The following ELF2 variants were observed in gnomAD, a reference collection of about 807,000 sequenced individuals.
The protein encoded by ELF2 is E74 like ETS transcription factor 2, also known as ETS-related transcription factor Elf-2.
In ELF2, 11 loss-of-function variants were observed where a neutral mutation model predicts 54.8. That is an observed-to-expected ratio of 0.20 (90% CI 0.13 to 0.33). The LOEUF is 0.33. ELF2 is among the 10% of genes least tolerant of loss of function. The probability of loss-of-function intolerance (pLI) is 1.00; values close to 1 mark genes in which losing one functional copy is unlikely to be tolerated. For missense variants in ELF2, 513 were observed against 703.0 expected (o/e 0.73, Z 3.06); for synonymous variants, 203 against 245.1 (o/e 0.83, Z 1.61).
chr4:139,153,875 C>T (rs1740268820), intron 1 of ELF2, among the ~76,000 whole-genome samples: 1 of 152,176 alleles, frequency 6.6e-6, no homozygotes, highest in African/African-American at 2.4e-5. Context: ...CAGTCTACCC[C>T]CTCCTTTTCA....
chr4:139,123,824 A>C (rs1736636984), intron 4 of ELF2, among the ~76,000 whole-genome samples: 1 of 152,216 alleles, frequency 6.6e-6, no homozygotes, highest in Non-Finnish European at 1.5e-5. Context: ...TAATAAAATC[A>C]GTTACAATAT....
At chr4:139,090,092 A>T (rs1732417685) in intron 4 of ELF2, among the ~76,000 whole-genome samples, 1 of 152,166 alleles carries the variant, frequency 6.6e-6, no homozygotes, top group African/African-American at 2.4e-5. Flanking sequence ...ATGCCTGGCT[A>T]ATTTTTTAAA....
At chr4:139,125,457 G>A in intron 3 of ELF2, 128 bp from the exon 4 acceptor site, 1 of 1,097,042 alleles carries the variant, frequency 9.1e-7, no homozygotes. Context: ...AAATATGAAT[G>A]TAAAAGCCAA....
intron 6 of ELF2, 43 bp from the exon 7 acceptor site, chr4:139,067,813 A>C: frequency 6.5e-7 from 1 of 1,526,990 alleles, no homozygotes; most frequent in Non-Finnish European, 8.9e-7. Flanking sequence ...AAAACAAGAA[A>C]AATATGAGAG....
chr4:139,097,147 T>C (rs940021714), intron 4 of ELF2, among the ~76,000 whole-genome samples: 4 of 152,220 alleles, frequency 2.6e-5, no homozygotes, highest in Admixed American at 6.5e-5. Context: ...TAGTGAGTTC[T>C]GCTTAAGCGA....
intron 6 of ELF2, among the ~76,000 whole-genome samples, chr4:139,069,717 C>T (rs1346156516): frequency 1.3e-5 from 2 of 152,090 alleles, no homozygotes; most frequent in Non-Finnish European, 2.9e-5. Context: ...AAAAGAAGTA[C>T]TGCTATTAAA....
At chr4:139,116,459 C>T (rs903952919) in intron 4 of ELF2, among the ~76,000 whole-genome samples, 5 of 151,512 alleles carry the variant, frequency 3.3e-5, no homozygotes, top group Middle Eastern at 3.4e-3. Context: ...TAAAAAGAAA[C>T]AAATATTAAG....
At chr4:139,150,392 A>G (rs1739745877) in intron 1 of ELF2, among the ~76,000 whole-genome samples, 1 of 151,498 alleles carries the variant, frequency 6.6e-6, no homozygotes, top group African/African-American at 2.4e-5. Context: ...TTAGCTGGGC[A>G]TGGTGGTGCA....
At chr4:139,141,928 T>C (rs1222572406) in intron 1 of ELF2, among the ~76,000 whole-genome samples, 2 of 152,204 alleles carry the variant, frequency 1.3e-5, no homozygotes, top group African/African-American at 2.4e-5. Flanking sequence ...AAGGTATACA[T>C]AAATACTAAG....
intron 4 of ELF2, among the ~76,000 whole-genome samples, chr4:139,108,935 G>A (rs138007598): frequency 1.3e-5 from 2 of 152,196 alleles, no homozygotes; most frequent in African/African-American, 4.8e-5. Flanking sequence ...GAACTGTTAA[G>A]AGTAACTCTG....
intron 4 of ELF2, chr4:139,084,367 C>T: frequency 3.4e-6 from 5 of 1,477,038 alleles, no homozygotes; most frequent in Non-Finnish European, 4.5e-6. Context: ...GAAGCCGAGG[C>T]CGGCCCGCCT....
intron 7 of ELF2, among the ~76,000 whole-genome samples, chr4:139,063,424 G>T (rs1728184111): frequency 6.6e-6 from 1 of 152,034 alleles, no homozygotes; most frequent in African/African-American, 2.4e-5. Context: ...GGAAAAATAT[G>T]GTAATTCCTT....
chr4:139,131,393 G>A (rs1467914193), intron 3 of ELF2, among the ~76,000 whole-genome samples: 2 of 152,180 alleles, frequency 1.3e-5, no homozygotes, highest in African/African-American at 4.8e-5. Flanking sequence ...ATGCTGCAGT[G>A]TTTACCTAGA....
At chr4:139,076,675 T>A (rs1314754798) in intron 4 of ELF2, among the ~76,000 whole-genome samples, 1 of 152,212 alleles carries the variant, frequency 6.6e-6, no homozygotes, top group East Asian at 1.9e-4. Flanking sequence ...CCAGTTTTTT[T>A]AATGTTTCAA....
chr4:139,059,344 G>T lies in ELF2; in HGVS notation c.1421C>A (p.Thr474Lys), dbSNP rs1313679608. The change falls in exon 10 of 10, where the codon ACA becomes AAA. Residue 474 changes from threonine to lysine, a missense_variant. By Grantham distance (78) the Thr-to-Lys change is moderately conservative (BLOSUM62 -1). This residue lies in a region of ELF2 where 291 missense variants were observed against 366.1 expected (regional missense o/e 0.79). Coordinates refer to ENST00000686138, the MANE Select transcript of ELF2 (RefSeq NM_001331036.3). ...ATQLAQCQLQ[T>K]KSNLTGSGSI... The stretch of plus-strand genomic sequence containing the variant: ...TCCTGATCCAGTCAGATTTGACTTT[G>T]TCTGCAGTTGACACTGTGCAAGCTG... 6.2e-7 allele frequency: 1 copy of T among 1,613,988 alleles called. No individual in the cohort carries two copies. The highest frequency in any genetic ancestry group is 8.5e-7 in the Non-Finnish European group (1 of 1,179,874).
chr4:139,106,771 T>C, intron 4 of ELF2, among the ~76,000 whole-genome samples: 1 of 150,474 alleles, frequency 6.6e-6, no homozygotes, highest in Admixed American at 6.6e-5. Flanking sequence ...GAGATAGAGT[T>C]TCGCTCTTGT....
intron 3 of ELF2, among the ~76,000 whole-genome samples, chr4:139,134,132 G>A (rs1002381092): frequency 6.6e-6 from 1 of 152,054 alleles, no homozygotes; most frequent in Non-Finnish European, 1.5e-5. Context: ...TGAGAAAATT[G>A]CCCTTTATTG....
intron 1 of ELF2, among the ~76,000 whole-genome samples, chr4:139,167,206 C>T (rs1468048608): frequency 3.3e-5 from 5 of 152,090 alleles, no homozygotes; most frequent in Non-Finnish European, 5.9e-5. Flanking sequence ...CAATTAGAAA[C>T]GTTAGTTATA....
intron 1 of ELF2, among the ~76,000 whole-genome samples, chr4:139,173,896 T>TG (rs1245754691): frequency 6.6e-6 from 1 of 151,352 alleles, no homozygotes; most frequent in African/African-American, 2.4e-5. Context: ...AAGACTACCC[T>TG]GGGTAATATG....
Sources: allele counts gnomAD v4.1 joint callset (sites outside exome capture counted in the v4.1 genomes callset), GRCh38; gene constraint gnomAD v4.1.1; regional missense constraint gnomAD v4.1.1; transcripts MANE v1.5; gene names NCBI Gene and HGNC (gene_info 2026-07-23, HGNC 2026-07-21).